TWIST2: variants seen among roughly 807,000 people sequenced by gnomAD.
TWIST2 encodes twist-related protein 2.
TWIST2 carries 1 observed loss-of-function variant against 11.6 expected under a neutral mutation model. The ratio of observed to expected loss-of-function variants is 0.09; its 90% CI spans 0.03 to 0.41. The LOEUF (loss-of-function observed/expected upper bound fraction) is 0.41. Ranked by LOEUF, TWIST2 falls within the 10% of genes least tolerant of loss-of-function variation. The pLI, the probability that TWIST2 is intolerant of heterozygous loss-of-function variation, is 0.98. For missense variants in TWIST2, 168 were observed against 226.4 expected, an observed-to-expected ratio of 0.74 and a Z score of 1.66; for synonymous variants, 87 against 96.6, an observed-to-expected ratio of 0.90 and a Z score of 0.58.
At chr2:238,848,824 CG>C in intron 1 of TWIST2, 91 bp downstream of exon 1, 4 of 1,074,518 alleles carry the variant, frequency 3.7e-6, no homozygotes, top group Non-Finnish European at 4.7e-6. Flanking sequence ...GTCTCCTCGG[CG>C]AGGCCCCGCG....
Position 238,904,981 on chromosome 2 carries a change from GAAA to G in TWIST2, c.*36-4856_*36-4854del, listed in dbSNP as rs1220543398. On this transcript the variant is annotated intron_variant, in intron 1 of 1. Coordinates refer to ENST00000612363, the MANE Select transcript of TWIST2 (RefSeq NM_001271893.4). ...TGGATGGAAGGAAGGAAGAGAGAAA[GAAA>G]AAAAGAAGAAAGAAAGAAAAGAAAG... 2.4e-4 allele frequency among the ~76,000 whole-genome samples: 36 copies of G among 151,258 alleles called. 1 individual carries two copies. In the South Asian group the frequency reaches 5.2e-3, roughly 22 times the overall value.
rs1460677349 is a variant in TWIST2, at chr2:238,870,543, C to G, written c.*35+21810C>G. On this transcript the variant is annotated intron_variant, in intron 1 of 1. Coordinates refer to ENST00000612363, the MANE Select transcript of TWIST2 (RefSeq NM_001271893.4). The stretch of plus-strand genomic sequence containing the variant: ...ACACAAACCACACACCCTACATACC[C>G]CACACACCCCACACACACCACACAC... Among the ~76,000 whole-genome samples, 42 of 118,882 alleles carry G rather than the reference C, an allele frequency of 3.5e-4. 3 individuals are homozygous for G. In the East Asian group the frequency reaches 0.012, roughly 33 times the overall value. 78.0% of individuals were successfully genotyped at this position (118,882 alleles called of 152,430 possible). A position where few individuals can be genotyped will look rare whatever the true frequency, so the allele number is the denominator to read the frequency against.
rs1692177323 is a variant in TWIST2, at chr2:238,848,586, A to G, written c.371A>G (p.Asp124Gly). Residue 124 changes from aspartate (D) to glycine (G), a missense_variant, in exon 1 of 2, where the codon GAC becomes GGC. This residue lies in a region of TWIST2 where 62 missense variants were observed against 75.3 expected (regional missense o/e 0.82). Coordinates refer to ENST00000612363, the MANE Select transcript of TWIST2 (RefSeq NM_001271893.4). ...IDFLYQVLQS[D>G]EMDNKMTSCS... ...TTCCTCTACCAGGTCCTGCAGAGCG[A>G]CGAGATGGACAATAAGATGACCAGC... 1.3e-6 allele frequency: 2 copies of G among 1,572,254 alleles called. No homozygotes were observed. Among genetic ancestry groups the G allele is most frequent in the Non-Finnish European group, 8.6e-7 (1 of 1,163,554 alleles).
Position 238,864,449 on chromosome 2 carries a change from A to G in TWIST2, c.*35+15716A>G, listed in dbSNP as rs1394858645. Among the ~76,000 whole-genome samples, 1 of 152,080 alleles carries G rather than the reference A, an allele frequency of 6.6e-6. No homozygotes were observed. The highest frequency in any genetic ancestry group is 1.5e-5 in the Non-Finnish European group (1 of 68,030). ...GTGGCTTTTTGTCCTCTGGCTGTGCAAATAAACAGAGCAGGAAGGTTTGAA... is the reference window on the plus strand; with the variant it reads ...GTGGCTTTTTGTCCTCTGGCTGTGCGAATAAACAGAGCAGGAAGGTTTGAA... On this transcript the variant is annotated intron_variant, in intron 1 of 1. Transcript: ENST00000612363. This position sits in a 1 kb window ranked among gnomAD's most constrained non-coding sequence, Gnocchi z 4.7.
intron 1 of TWIST2, among the ~76,000 whole-genome samples, chr2:238,888,437 A>C (rs910088498): frequency 6.6e-6 from 1 of 152,238 alleles, no homozygotes; most frequent in African/African-American, 2.4e-5. Context: ...AGCTTGATTA[A>C]AGACAACCTG....
intron 1 of TWIST2, among the ~76,000 whole-genome samples, chr2:238,856,727 C>T (rs544756405): frequency 5.9e-5 from 9 of 152,104 alleles, no homozygotes; most frequent in Non-Finnish European, 8.8e-5. Flanking sequence ...ATGGGAGACC[C>T]GGCACCTCTT....
intron 1 of TWIST2, among the ~76,000 whole-genome samples, chr2:238,898,554 C>A (rs940324877): frequency 6.6e-6 from 1 of 152,196 alleles, no homozygotes; most frequent in Non-Finnish European, 1.5e-5. Flanking sequence ...TCCCGCCAGC[C>A]GCTCCTGAGA....
At chr2:238,861,429 A>G (rs758614134) in intron 1 of TWIST2, among the ~76,000 whole-genome samples, 39 of 152,272 alleles carry the variant, frequency 2.6e-4, no homozygotes, top group Non-Finnish European at 2.9e-4. Flanking sequence ...GCCAGCGCCC[A>G]GTGAGTGTAG....
chr2:238,892,144 A>T (rs975686759), intron 1 of TWIST2, among the ~76,000 whole-genome samples: 8 of 152,012 alleles, frequency 5.3e-5, no homozygotes, highest in African/African-American at 1.9e-4. Context: ...GGGCTGAGCC[A>T]GGCAACCACC....
At chr2:238,870,328 C>T (rs1358611556) in intron 1 of TWIST2, among the ~76,000 whole-genome samples, 2 of 19,384 alleles carry the variant, frequency 1.0e-4, no homozygotes, top group Admixed American at 6.3e-4. Flanking sequence ...CCCACACACC[C>T]CACACACCCC....
At chr2:238,904,970 GAAGA>G (rs1263798726) in intron 1 of TWIST2, among the ~76,000 whole-genome samples, 4 of 151,570 alleles carry the variant, frequency 2.6e-5, no homozygotes, top group African/African-American at 2.4e-5. Flanking sequence ...TGGAAGGAAG[GAAGA>G]GAGAAAGAAA....
chr2:238,872,883 G>A (rs142666317), intron 1 of TWIST2, among the ~76,000 whole-genome samples: 8 of 152,310 alleles, frequency 5.3e-5, no homozygotes, highest in Non-Finnish European at 8.8e-5. Flanking sequence ...AGGGTCCTTC[G>A]TGTTGCCCTC....
rs1417926230 is a variant in TWIST2 at position 238,870,279 on chromosome 2, CACATCACAT to C, written c.*35+21549_*35+21557del. On this transcript the variant is annotated intron_variant, in intron 1 of 1. Transcript: ENST00000612363. ...ACACACAAGCCACACACCCCACACA[CACATCACAT>C]ACCACACACCCCCACACACCCCACA... 3.5e-4 allele frequency among the ~76,000 whole-genome samples: 3 copies of C among 8,532 alleles called. 1 individual carries two copies. The highest frequency in any genetic ancestry group is 1.3e-3 in the African/African-American group (2 of 1,562). 5.6% of individuals were successfully genotyped at this position (8,532 alleles called of 152,430 possible).
At chr2:238,887,600 GC>G (rs1204949868) in intron 1 of TWIST2, among the ~76,000 whole-genome samples, 1 of 152,210 alleles carries the variant, frequency 6.6e-6, no homozygotes. Context: ...ACTCCTCAGA[GC>G]CCCTGTGGTT....
At chr2:238,852,843 C>T (rs1448043210) in intron 1 of TWIST2, among the ~76,000 whole-genome samples, 1 of 152,132 alleles carries the variant, frequency 6.6e-6, no homozygotes, top group East Asian at 1.9e-4. Context: ...CTTGCAACCT[C>T]ATGTGAATCT....
intron 1 of TWIST2, among the ~76,000 whole-genome samples, chr2:238,897,017 T>TA (rs1235423194): frequency 6.6e-6 from 1 of 152,180 alleles, no homozygotes; most frequent in East Asian, 1.9e-4. Flanking sequence ...GGGAACGTTG[T>TA]AAAAAACAAA....
At chr2:238,870,056 C>CA (rs1334898081) in intron 1 of TWIST2, among the ~76,000 whole-genome samples, 1 of 140,950 alleles carries the variant, frequency 7.1e-6, no homozygotes, top group Non-Finnish European at 1.6e-5. Context: ...GGAGGGTCCT[C>CA]AAAAAATAAA....
rs143602143 is a variant in TWIST2, at chr2:238,883,241, C to A, written c.*36-26601C>A. Among the ~76,000 whole-genome samples the A allele has an allele frequency of 1.9e-3, 284 of 152,294 alleles. 1 individual carries two copies. The highest frequency in any genetic ancestry group is 6.4e-3 in the African/African-American group (266 of 41,554). The stretch of plus-strand genomic sequence containing the variant: ...ATTGGGCTGGTGACGGTTCCTCCCC[C>A]CAGGCAGTCACCCCTCGTGGACTGT... On this transcript the variant is annotated intron_variant, in intron 1 of 1. Coordinates refer to ENST00000612363, the MANE Select transcript of TWIST2 (RefSeq NM_001271893.4).
At chr2:238,886,034 T>G (rs188323380) in intron 1 of TWIST2, among the ~76,000 whole-genome samples, 2 of 150,956 alleles carry the variant, frequency 1.3e-5, no homozygotes, top group East Asian at 3.9e-4. Context: ...AGGCGGAGGT[T>G]GCAGTGAGCC....
Sources: allele counts gnomAD v4.1 joint callset (sites outside exome capture counted in the v4.1 genomes callset), GRCh38; gene constraint gnomAD v4.1.1; regional missense constraint gnomAD v4.1.1; non-coding constraint Gnocchi (gnomAD v3.1); transcripts MANE v1.5; gene names NCBI Gene and HGNC (gene_info 2026-07-23, HGNC 2026-07-21).